The following MYH6 variants were observed in gnomAD, a reference collection of about 807,000 sequenced individuals.
The protein encoded by MYH6 is myosin-6.
Under a neutral mutation model 223.2 loss-of-function variants are expected in MYH6, and 126 were observed. That is an observed-to-expected ratio of 0.56 (90% CI 0.49 to 0.65). MYH6 has a LOEUF of 0.65. MYH6 is among the 30% of genes least tolerant of loss of function. MYH6 has a pLI of 0.00. For missense variants in MYH6, 2,040 were observed against 2,536.4 expected (o/e 0.80, Z 4.20); for synonymous variants, 978 against 1,010.2 (o/e 0.97, Z 0.61).
At chr14:23,384,106 T>C (rs1414947580) in intron 36 of MYH6, among the ~76,000 whole-genome samples, 2 of 151,312 alleles carry the variant, frequency 1.3e-5, no homozygotes, top group Non-Finnish European at 2.9e-5. Flanking sequence ...TCTTTTCCCC[T>C]CCCCTGACTC....
chr14:23,407,648 C>G lies in MYH6; in HGVS notation c.-46-40G>C, dbSNP rs765636449. ...GAGCAAGGAACAACAGAGGTAGAGCCGGGCAGAGAGAAGAACAGATGAGGA... is the reference window on the plus strand; with the variant it reads ...GAGCAAGGAACAACAGAGGTAGAGCGGGGCAGAGAGAAGAACAGATGAGGA... On this transcript the variant is annotated intron_variant, in intron 1 of 38. Transcript: ENST00000405093. The surrounding 1 kb of genome is among the most constrained non-coding windows in gnomAD (Gnocchi z 5.6). 2 of 1,105,192 alleles carry G rather than the reference C, an allele frequency of 1.8e-6. No individual in the cohort carries two copies. Among genetic ancestry groups the G allele is most frequent in the African/African-American group, 3.3e-5 (2 of 61,200 alleles). 68.5% of individuals were successfully genotyped at this position (1,105,192 alleles called of 1,614,324 possible).
At position 23,383,339 on chromosome 14, in the gene MYH6, G is replaced by GGGGGGGGGGGCCCCCCCCCCCCCC; in HGVS notation, c.5566-20_5566-19insGGGGGGGGGGGGGGCCCCCCCCCC. 1 of 108,192 alleles carries GGGGGGGGGGGCCCCCCCCCCCCCC rather than the reference G, an allele frequency of 9.2e-6. No individual in the cohort carries two copies. The highest frequency in any genetic ancestry group is 1.8e-5 in the Non-Finnish European group (1 of 54,378). 6.7% of individuals were successfully genotyped at this position (108,192 alleles called of 1,614,324 possible). ...CCTCTGTCTGGGGGTGGGAGGGTGG[G>GGGGGGGGGGGCCCCCCCCCCCCCC]AGAAGCTGGTTTGGAGGGGGAGCAA... On this transcript the variant is annotated intron_variant, in intron 36 of 38. Transcript: ENST00000405093.
chr14:23,405,056 GC>G lies in MYH6; in HGVS notation c.530+43del, dbSNP rs1566516324. 2 of 1,613,694 alleles carry G rather than the reference GC, an allele frequency of 1.2e-6. No individual in the cohort carries two copies. Among genetic ancestry groups the G allele is most frequent in the East Asian group, 2.2e-5 (1 of 44,882 alleles). ...CTACACCCTAGGCATCAGCGTGTAT[GC>G]CCCCAGCCCAGTCCCTTCTGTGGGA... On this transcript the variant is annotated intron_variant, in intron 6 of 38. Transcript: ENST00000405093. The surrounding 1 kb of genome is among the most constrained non-coding windows in gnomAD (Gnocchi z 4.7).
At chr14:23,395,751 A>G (rs1372558557) in intron 20 of MYH6, among the ~76,000 whole-genome samples, 1 of 151,954 alleles carries the variant, frequency 6.6e-6, no homozygotes, top group African/African-American at 2.4e-5. Flanking sequence ...GATGGTTTTG[A>G]TCTCCTGACC....
chr14:23,384,402 A>G, intron 36 of MYH6, 40 bp downstream of exon 36: 2 of 1,604,978 alleles, frequency 1.2e-6, no homozygotes, highest in Non-Finnish European at 1.7e-6. Flanking sequence ...CCAGAGAAGA[A>G]ACTTCCACAT....
Position 23,386,077 on chromosome 14 carries a change from T to G in MYH6, c.5014A>C (p.Asn1672His). The G allele has an allele frequency of 6.2e-7, 1 of 1,614,180 alleles. No homozygotes were observed. The highest frequency in any genetic ancestry group is 8.5e-7 in the Non-Finnish European group (1 of 1,180,030). The stretch of plus-strand genomic sequence containing the variant: ...TTGCGCCGCTCCACGATGGCGATGT[T>G]CTCCTTCAGGTCGTCGTTGGCACGG... ...AVRANDDLKENIAIVERRNNL... is the reference protein window; with the variant it reads ...AVRANDDLKEHIAIVERRNNL... Residue 1672 changes from asparagine (N) to histidine (H), a missense_variant, in exon 34 of 39, where the codon AAC becomes CAC. Asn to His is a moderately conservative substitution (Grantham distance 68). Coordinates refer to ENST00000405093, the MANE Select transcript of MYH6 (RefSeq NM_002471.4).
At chr14:23,384,771 G>GC in intron 35 of MYH6, 54 bp from the exon 36 acceptor site, 1 of 1,613,892 alleles carries the variant, frequency 6.2e-7, no homozygotes, top group Non-Finnish European at 8.5e-7. Flanking sequence ...GGGGCCTTTT[G>GC]CCCCCCAAGG....
chr14:23,389,730 C>G lies in MYH6; in HGVS notation c.3733-11G>C, dbSNP rs1362319588. ...TTTCTCCAGGTTTGCCTTCAGGAAG[C>G]AAGACAGGAAGGGTGAGTGTGGGAG... On this transcript the variant is annotated splice_polypyrimidine_tract_variant and intron_variant, in intron 26 of 38. Transcript: ENST00000405093. The G allele has an allele frequency of 6.2e-7, 1 of 1,613,960 alleles. No individual in the cohort carries two copies. Among genetic ancestry groups the G allele is most frequent in the South Asian group, 1.1e-5 (1 of 91,066 alleles).
Position 23,387,836 on chromosome 14 carries a change from G to A in MYH6, c.4447C>T (p.Leu1483Phe), listed in dbSNP as rs751085104. ...QKEARSLSTE[L>F]FKLKNAYEES... ...TCGTAGGCGTTCTTGAGCTTGAAGA[G>A]CTCTGTGCTGAGGGAGCGAGCCTCC... Residue 1483 changes from leucine to phenylalanine, a missense_variant, in exon 31 of 39, where the codon CTC becomes TTC. Leu to Phe is a conservative substitution (Grantham distance 22). This residue lies in a region of MYH6 where 1,203 missense variants were observed against 1,400.2 expected (regional missense o/e 0.86). Coordinates refer to ENST00000405093, the MANE Select transcript of MYH6 (RefSeq NM_002471.4). 2 of 1,614,104 alleles carry A rather than the reference G, an allele frequency of 1.2e-6. No homozygotes were observed. Among genetic ancestry groups the A allele is most frequent in the South Asian group, 2.2e-5 (2 of 91,084 alleles).
chr14:23,392,812 T>C lies in MYH6; in HGVS notation c.3251+100A>G. The stretch of plus-strand genomic sequence containing the variant: ...GCTGTGATTGACCTTATTCCCAGCA[T>C]ACCCAAGGCAACTGTGGCCAGTGGA... On this transcript the variant is annotated intron_variant, in intron 24 of 38. Coordinates refer to ENST00000405093, the MANE Select transcript of MYH6 (RefSeq NM_002471.4). The C allele has an allele frequency of 7.7e-6, 12 of 1,557,040 alleles. 1 individual carries two copies. In the South Asian group the frequency reaches 1.1e-4, roughly 14 times the overall value.
intron 37 of MYH6, 41 bp from the exon 38 acceptor site, chr14:23,382,603 G>A: frequency 1.9e-6 from 3 of 1,614,084 alleles, no homozygotes; most frequent in Middle Eastern, 1.6e-4. Flanking sequence ...AGCTGGAGAT[G>A]GGCTATGGGA....
chr14:23,407,864 C>T lies in MYH6; in HGVS notation c.-46-256G>A, dbSNP rs451299. 2.2e-4 allele frequency among the ~76,000 whole-genome samples: 33 copies of T among 151,926 alleles called. No individual in the cohort carries two copies. The highest frequency in any genetic ancestry group is 1.9e-4 in the East Asian group (1 of 5,172). ...GCAGAGAGGCAGGGAGGTGAGAACA[C>T]GTGCCAAGAAGGAAGGACAAGGGAG... On this transcript the variant is annotated intron_variant, in intron 1 of 38. Transcript: ENST00000405093. The surrounding 1 kb of genome is among the most constrained non-coding windows in gnomAD (Gnocchi z 5.6).
intron 3 of MYH6, among the ~76,000 whole-genome samples, chr14:23,406,784 T>C (rs7153499): frequency 0.2 from 30,389 of 152,110 alleles, 4,818 homozygotes; most frequent in African/African-American, 0.44. Flanking sequence ...ACACTGAGGT[T>C]CTTCTTCCTC....
At chr14:23,402,893 AG>A in intron 10 of MYH6, 93 bp from the exon 11 acceptor site, 1 of 402,184 alleles carries the variant, frequency 2.5e-6, no homozygotes, top group Non-Finnish European at 4.8e-6. Flanking sequence ...AGGGGCAGGG[AG>A]GGGTAAGGGA....
rs778808038 is a variant in MYH6 at position 23,400,720 on chromosome 14, C to A, written c.1399G>T (p.Glu467Ter). Reference sequence around the variant, plus strand: ...GGGTCCCAACTCACGTCGAAGATCTCGAAGCCAGCGATGTCCAGGACTCCT... The same window carrying A: ...GGGTCCCAACTCACGTCGAAGATCTAGAAGCCAGCGATGTCCAGGACTCCT... ...FIGVLDIAGF[E>*]IFDFNSFEQL... Residue 467 changes from glutamate to a stop codon, truncating the protein, a stop_gained, in exon 13 of 39, where the codon GAG becomes TAG. Transcript: ENST00000405093. LOFTEE classifies it high-confidence loss of function. 1.2e-6 allele frequency: 2 copies of A among 1,614,240 alleles called. No individual in the cohort carries two copies. Among genetic ancestry groups the A allele is most frequent in the Non-Finnish European group, 8.5e-7 (1 of 1,180,050 alleles).
intron 8 of MYH6, among the ~76,000 whole-genome samples, 194 bp from the exon 9 acceptor site, chr14:23,403,972 C>T (rs1363519756): frequency 6.6e-6 from 1 of 152,184 alleles, no homozygotes; most frequent in Non-Finnish European, 1.5e-5. Flanking sequence ...AGTGGAACCT[C>T]GGCCCAGAGG....
rs200288559 is a variant in MYH6 at position 23,387,637 on chromosome 14, A to G, written c.4542T>C (p.Leu1514=). 16 of 1,614,026 alleles carry G rather than the reference A, an allele frequency of 9.9e-6. No homozygotes were observed. In the Admixed American group the frequency reaches 1.7e-4, roughly 17 times the overall value. ...NKNLQEEISD[L]TEQLGEGGKN... ...TTCCTCCTTCTCCTAGCTGCTCAGT[A>G]AGGTCCGAGATTTCCTCTGGGGACC... Residue 1514 remains leucine, a synonymous_variant, in exon 32 of 39, where the codon CTT becomes CTC. Coordinates refer to ENST00000405093, the MANE Select transcript of MYH6 (RefSeq NM_002471.4).
In MYH6 at chr14:23,394,054, T is replaced by A. The variant is rs765118655; in HGVS notation, c.2685+14A>T. 3.1e-6 allele frequency: 5 copies of A among 1,613,932 alleles called. No homozygotes were observed. The highest frequency in any genetic ancestry group is 4.2e-6 in the Non-Finnish European group (5 of 1,180,044). ...GGGGAGGAGAGGGCTGAAGAGATAATCACGTGGCCTCACCGCCTGCACTTG... is the reference window on the plus strand; with the variant it reads ...GGGGAGGAGAGGGCTGAAGAGATAAACACGTGGCCTCACCGCCTGCACTTG... On this transcript the variant is annotated intron_variant, in intron 21 of 38. Transcript: ENST00000405093.
chr14:23,405,508 G>A lies in MYH6; in HGVS notation c.345+119C>T, dbSNP rs988327696. ...CTCCTGCAGCTGACTAGGGGTGGAG[G>A]GGGGAAGGGGACTTGGGTCCCTTGG... On this transcript the variant is annotated intron_variant, in intron 4 of 38. Transcript: ENST00000405093. The surrounding 1 kb of genome is among the most constrained non-coding windows in gnomAD (Gnocchi z 4.7). 7.5e-6 allele frequency: 12 copies of A among 1,595,340 alleles called. No homozygotes were observed. Among genetic ancestry groups the A allele is most frequent in the Non-Finnish European group, 1.0e-5 (12 of 1,167,354 alleles).
Sources: allele counts gnomAD v4.1 joint callset (sites outside exome capture counted in the v4.1 genomes callset), GRCh38; gene constraint gnomAD v4.1.1; regional missense constraint gnomAD v4.1.1; non-coding constraint Gnocchi (gnomAD v3.1); transcripts MANE v1.5; gene names NCBI Gene and HGNC (gene_info 2026-07-23, HGNC 2026-07-21).